DIS3L2: variants seen among roughly 807,000 people sequenced by gnomAD.
DIS3L2 encodes DIS3 like 3'-5' exoribonuclease 2, also known as DIS3-like exonuclease 2.
A neutral mutation model predicts 97.5 loss-of-function variants in DIS3L2; 34 were observed. That is an observed-to-expected ratio of 0.35 (90% CI 0.27 to 0.46). The LOEUF is 0.46. Among genes scored for constraint, DIS3L2 ranks in the 20% least tolerant of loss-of-function variants. The pLI is 1.00. For missense variants in DIS3L2, 1,038 were observed against 1,146.0 expected (o/e 0.91, Z 1.36); for synonymous variants, 435 against 445.2 (o/e 0.98, Z 0.29).
intron 6 of DIS3L2, among the ~76,000 whole-genome samples, chr2:232,118,985 A>G (rs1246452043): frequency 6.6e-6 from 1 of 152,196 alleles, no homozygotes; most frequent in Non-Finnish European, 1.5e-5. Flanking sequence ...TTCACTTGGT[A>G]GTCCTCCTGT....
intron 5 of DIS3L2, among the ~76,000 whole-genome samples, chr2:232,033,070 T>C (rs1694855209): frequency 6.6e-6 from 1 of 152,220 alleles, no homozygotes; most frequent in South Asian, 2.1e-4. Flanking sequence ...TCTAAATTAC[T>C]TTGGGCACTA....
At chr2:232,148,250 T>G (rs952938884) in intron 8 of DIS3L2, among the ~76,000 whole-genome samples, 13 of 152,082 alleles carry the variant, frequency 8.5e-5, no homozygotes, top group Admixed American at 4.6e-4. Flanking sequence ...GGTTTCACCA[T>G]GTTGGCCAGG....
chr2:232,214,587 A>G (rs1330867062), intron 10 of DIS3L2, among the ~76,000 whole-genome samples: 1 of 152,158 alleles, frequency 6.6e-6, no homozygotes, highest in African/African-American at 2.4e-5. Context: ...CCCATCTCCC[A>G]TGTCATGGAG....
chr2:232,171,333 A>G (rs553711009), intron 9 of DIS3L2, among the ~76,000 whole-genome samples: 141 of 152,304 alleles, frequency 9.3e-4, no homozygotes, highest in African/African-American at 3.2e-3. Flanking sequence ...ATTCCTTAGA[A>G]TACATTTTGC....
rs774143433 is a variant in DIS3L2, at chr2:232,337,077, G to A, written c.*447G>A. The A allele has an allele frequency of 9.7e-7, 1 of 1,029,470 alleles. No individual in the cohort carries two copies. Among genetic ancestry groups the A allele is most frequent in the Non-Finnish European group, 1.2e-6 (1 of 859,194 alleles). 63.8% of individuals were successfully genotyped at this position (1,029,470 alleles called of 1,614,324 possible). A position where few individuals can be genotyped will look rare whatever the true frequency, so the allele number is the denominator to read the frequency against. ...AGGCTTCACCCCTCGCTGCTGAGCC[G>A]ATGTCAACACCTGGAACTTTCCTGT... On this transcript the variant is annotated 3_prime_UTR_variant, in exon 21 of 21. Coordinates refer to ENST00000325385, the MANE Select transcript of DIS3L2 (RefSeq NM_152383.5).
chr2:232,105,750 C>T (rs1697339989), intron 6 of DIS3L2, among the ~76,000 whole-genome samples: 2 of 152,208 alleles, frequency 1.3e-5, no homozygotes. Context: ...TAATGTCTCA[C>T]AAATGTTCAT....
chr2:232,115,160 G>A (rs1173821143), intron 6 of DIS3L2, among the ~76,000 whole-genome samples: 1 of 151,952 alleles, frequency 6.6e-6, no homozygotes, highest in African/African-American at 2.4e-5. Context: ...CTGCCACATT[G>A]GGAATTAAGT....
At chr2:232,247,637 GGGGGGGA>G (rs1693297280) in intron 11 of DIS3L2, among the ~76,000 whole-genome samples, 1 of 45,032 alleles carries the variant, frequency 2.2e-5, no homozygotes, top group Non-Finnish European at 4.9e-5. Flanking sequence ...GGGGGGGGGC[GGGGGGGA>G]GGGTGCCAAT....
intron 9 of DIS3L2, among the ~76,000 whole-genome samples, chr2:232,190,354 A>T (rs1214412143): frequency 2.6e-5 from 4 of 152,182 alleles, no homozygotes; most frequent in Non-Finnish European, 5.9e-5. Context: ...AAGAGAAAGC[A>T]GTTAACATGG....
intron 9 of DIS3L2, among the ~76,000 whole-genome samples, chr2:232,196,175 T>C (rs1011824679): frequency 6.6e-6 from 1 of 151,952 alleles, no homozygotes; most frequent in Non-Finnish European, 1.5e-5. Flanking sequence ...CAGTCATAGC[T>C]CACTACAACC....
At chr2:232,051,640 G>A (rs1334420876) in intron 5 of DIS3L2, among the ~76,000 whole-genome samples, 2 of 150,662 alleles carry the variant, frequency 1.3e-5, no homozygotes, top group Admixed American at 6.6e-5. Context: ...GTGAAACACC[G>A]TCTCTACTAA....
At chr2:232,270,861 TCTC>T (rs1693974256) in intron 13 of DIS3L2, among the ~76,000 whole-genome samples, 1 of 7,064 alleles carries the variant, frequency 1.4e-4, no homozygotes, top group Non-Finnish European at 3.0e-4. Flanking sequence ...CTTTTTCTCG[TCTC>T]TCTCTCTCTC....
At chr2:232,042,420 T>C (rs1477670278) in intron 5 of DIS3L2, among the ~76,000 whole-genome samples, 2 of 152,054 alleles carry the variant, frequency 1.3e-5, no homozygotes, top group African/African-American at 2.4e-5. Flanking sequence ...AATTAGAATT[T>C]CTTAGAACTG....
intron 5 of DIS3L2, among the ~76,000 whole-genome samples, chr2:232,033,275 C>CTGTTTGT (rs1694860967): frequency 1.3e-5 from 2 of 152,024 alleles, no homozygotes; most frequent in Non-Finnish European, 2.9e-5. Context: ...ATTTGGCACT[C>CTGTTTGT]CATTATTGGT....
chr2:232,207,513 C>G (rs1692062880), intron 9 of DIS3L2, among the ~76,000 whole-genome samples: 3 of 152,192 alleles, frequency 2.0e-5, no homozygotes, highest in Admixed American at 2.0e-4. Flanking sequence ...CTTACAACCT[C>G]TTTTATATAG....
At chr2:232,342,591 T>C (rs946723475) in intron 13 of DIS3L2, among the ~76,000 whole-genome samples, 3 of 152,262 alleles carry the variant, frequency 2.0e-5, no homozygotes, top group African/African-American at 7.2e-5. Context: ...AGGCTTCTTG[T>C]ACATTCAGCA....
chr2:232,021,650 G>A (rs1694517158), intron 3 of DIS3L2, among the ~76,000 whole-genome samples: 1 of 152,104 alleles, frequency 6.6e-6, no homozygotes, highest in African/African-American at 2.4e-5. Flanking sequence ...TAGTCAAAAT[G>A]TTAGTGAATT....
At chr2:232,027,378 G>A (rs949587730) in intron 4 of DIS3L2, among the ~76,000 whole-genome samples, 3 of 152,038 alleles carry the variant, frequency 2.0e-5, no homozygotes, top group Admixed American at 6.6e-5. Context: ...AATTGTTACC[G>A]GCTTAAGCTA....
chr2:232,342,294 T>C (rs1456871639), intron 13 of DIS3L2, among the ~76,000 whole-genome samples: 1 of 151,908 alleles, frequency 6.6e-6, no homozygotes, highest in African/African-American at 2.4e-5. Context: ...TATATGCATA[T>C]ATACACATAT....
Sources: allele counts gnomAD v4.1 joint callset (sites outside exome capture counted in the v4.1 genomes callset), GRCh38; gene constraint gnomAD v4.1.1; transcripts MANE v1.5; gene names NCBI Gene and HGNC (gene_info 2026-07-23, HGNC 2026-07-21).